Variants in FITM1 observed in about 807,000 individuals in gnomAD.
The protein encoded by FITM1 is fat storage-inducing transmembrane protein 1.
A neutral mutation model predicts 22.2 loss-of-function variants in FITM1; 11 were observed. The ratio of observed to expected loss-of-function variants is 0.50; its 90% CI spans 0.31 to 0.82. The LOEUF (loss-of-function observed/expected upper bound fraction) is 0.82. FITM1 is among the 40% of genes least tolerant of loss of function. The pLI, the probability that FITM1 is intolerant of heterozygous loss-of-function variation, is 0.04. For missense variants in FITM1, 394 were observed against 386.4 expected, an observed-to-expected ratio of 1.02 and a Z score of -0.17; for synonymous variants, 164 against 174.0, an observed-to-expected ratio of 0.94 and a Z score of 0.45.
At position 24,132,746 on chromosome 14, in the gene FITM1, TATC is replaced by T. The variant is rs746827990; in HGVS notation, c.807_809del (p.His269del). ...CTGGTACCTCACCTATGGCAGCTGG[TATC>T]ATCAGCCCTGGTCTCCAGGGAGCCC... On this transcript the variant is annotated inframe_deletion, in exon 2 of 2. Transcript: ENST00000267426. 2 of 1,613,734 alleles carry T rather than the reference TATC, an allele frequency of 1.2e-6. No individual in the cohort carries two copies. The highest frequency in any genetic ancestry group is 1.7e-6 in the Non-Finnish European group (2 of 1,179,942).
rs531841582 is a variant in FITM1, at chr14:24,132,359, G to A, written c.415G>A (p.Gly139Ser). ...VVGAAVWRGA[G>S]RAFLLIEDLT... ...AGGGGCAGCCGTGTGGCGGGGAGCCGGCCGGGCCTTCCTGCTCATCGAGGA... is the reference window on the plus strand; with the variant it reads ...AGGGGCAGCCGTGTGGCGGGGAGCCAGCCGGGCCTTCCTGCTCATCGAGGA... Residue 139 changes from glycine to serine, a missense_variant, in exon 2 of 2, where the codon GGC (glycine) becomes AGC (serine). Coordinates refer to ENST00000267426, the MANE Select transcript of FITM1 (RefSeq NM_203402.3). 6.6e-5 allele frequency: 107 copies of A among 1,613,818 alleles called. 2 individuals are homozygous for A. In the Admixed American group the frequency reaches 1.4e-3, roughly 22 times the overall value.
rs561934936 is a variant in FITM1, at chr14:24,132,257, G to A, written c.313G>A (p.Gly105Ser). The change falls in exon 2 of 2, where the codon GGC becomes AGC. Residue 105 changes from glycine to serine, a missense_variant. Transcript: ENST00000267426. ...GGGCTGGACATGCACTTTCTTAGGGGGCTTTGTGTTGCTGGTGGTGTTCCT... is the reference window on the plus strand; with the variant it reads ...GGGCTGGACATGCACTTTCTTAGGGAGCTTTGTGTTGCTGGTGGTGTTCCT... ...AWGWTCTFLG[G>S]FVLLVVFLAT... The A allele has an allele frequency of 3.1e-6, 5 of 1,613,420 alleles. No homozygotes were observed. The highest frequency in any genetic ancestry group is 1.1e-5 in the South Asian group (1 of 91,032).
In FITM1 at chr14:24,131,556, G is replaced by A. The variant is rs1163614031; in HGVS notation, c.-8G>A. 1.9e-6 allele frequency: 3 copies of A among 1,560,092 alleles called. No homozygotes were observed. The highest frequency in any genetic ancestry group is 2.6e-6 in the Non-Finnish European group (3 of 1,152,948). The stretch of plus-strand genomic sequence containing the variant: ...CAAAGCAAGCAGTTAGTGGGGAGGG[G>A]AGGGAACATGGAGCGGGGGCCGGTG... On this transcript the variant is annotated 5_prime_UTR_variant, in exon 1 of 2. Transcript: ENST00000267426.
rs1035337530 is a variant in FITM1 at position 24,130,865 on chromosome 14, A to G, written c.-699A>G. Among the ~76,000 whole-genome samples the G allele has an allele frequency of 3.9e-5, 6 of 152,224 alleles. No homozygotes were observed. Among genetic ancestry groups the G allele is most frequent in the Non-Finnish European group, 7.3e-5 (5 of 68,042 alleles). ...TAGGGATCTGAGGGTCAACGTGATC[A>G]ACAGATGAAACCGCCAGTTTATACA... is the stretch of plus-strand genomic sequence containing the variant. On this transcript the variant is annotated 5_prime_UTR_variant, in exon 1 of 2. Coordinates refer to ENST00000267426, the MANE Select transcript of FITM1 (RefSeq NM_203402.3).
At chr14:24,132,070 A>C (rs1449012038) in intron 1 of FITM1, 141 bp from the exon 2 acceptor site, 30 of 1,304,988 alleles carry the variant, frequency 2.3e-5, no homozygotes, top group Non-Finnish European at 3.0e-5. Flanking sequence ...GCAAAGGTTA[A>C]ATGACTGGGG....
At chr14:24,131,882 C>T in intron 1 of FITM1, 53 bp downstream of exon 1, 2 of 1,519,730 alleles carry the variant, frequency 1.3e-6, no homozygotes, top group South Asian at 1.3e-5. Context: ...GGGATCCTAG[C>T]TCCCTTCTCC....
Position 24,131,661 on chromosome 14 carries a change from C to T in FITM1, c.98C>T (p.Ser33Phe), listed in dbSNP as rs771652273. ...CTCAAGGTGCTGCTCTGGGTGGCCT[C>T]TGCCTTGCTGTACTTTGGAAGCGAA... Reference protein sequence around the residue: ...CLLKVLLWVASALLYFGSEQA... With the variant: ...CLLKVLLWVAFALLYFGSEQA... Residue 33 changes from serine (S) to phenylalanine (F), a missense_variant, in exon 1 of 2, where the codon TCT becomes TTT. Transcript: ENST00000267426. The T allele has an allele frequency of 6.2e-6, 10 of 1,613,820 alleles. No individual in the cohort carries two copies. In the South Asian group the frequency reaches 1.1e-4, roughly 18 times the overall value.
intron 1 of FITM1, 115 bp from the exon 2 acceptor site, chr14:24,132,096 G>A: frequency 1.4e-6 from 2 of 1,445,126 alleles, no homozygotes; most frequent in Non-Finnish European, 1.9e-6. Flanking sequence ...AAAGGGCACG[G>A]CAAGGAGAGA....
Position 24,131,837 on chromosome 14 carries a change from C to T in FITM1, c.266+8C>T. The T allele has an allele frequency of 6.4e-7, 1 of 1,566,794 alleles. No individual in the cohort carries two copies. The highest frequency in any genetic ancestry group is 8.7e-7 in the Non-Finnish European group (1 of 1,154,136). ...CGGCAACTTCTTCAACATGTGAGTC[C>T]ACTCAAGGCTGTGGGAGCCGGGTCC... On this transcript the variant is annotated splice_region_variant and intron_variant, in intron 1 of 1. Transcript: ENST00000267426.
chr14:24,131,817 ACTT>A lies in FITM1; in HGVS notation c.259_261del (p.Phe87del), dbSNP rs2037824758. The A allele has an allele frequency of 6.3e-7, 1 of 1,588,046 alleles. No individual in the cohort carries two copies. Among genetic ancestry groups the A allele is most frequent in the African/African-American group, 1.3e-5 (1 of 74,436 alleles). On this transcript the variant is annotated inframe_deletion, in exon 1 of 2. Coordinates refer to ENST00000267426, the MANE Select transcript of FITM1 (RefSeq NM_203402.3). ...CGGACTATCTTCGCCAGCCACGGCAACTTCTTCAACATGTGAGTCCACTCAAGG... is the reference window on the plus strand; with the variant it reads ...CGGACTATCTTCGCCAGCCACGGCAACTTCAACATGTGAGTCCACTCAAGG...
At chr14:24,132,148 G>A (rs2037827042) in intron 1 of FITM1, 63 bp from the exon 2 acceptor site, 61 of 1,585,518 alleles carry the variant, frequency 3.8e-5, no homozygotes, top group Non-Finnish European at 5.1e-5. Context: ...GCAGTGATGG[G>A]AGCACAGACC....
Position 24,132,514 on chromosome 14 carries a change from C to T in FITM1, c.570C>T (p.Leu190=), listed in dbSNP as rs1295556051. ...CCGTCTCCTCCCACACCTTCCTGCT[C>T]ACCTTTTGCTGCCTGCTCATGGCAG... ...GYTVSSHTFL[L]TFCCLLMAEE... Residue 190 remains leucine, a synonymous_variant, in exon 2 of 2, where the codon CTC becomes CTT. Transcript: ENST00000267426. The T allele has an allele frequency of 3.7e-6, 6 of 1,604,006 alleles. No individual in the cohort carries two copies. Among genetic ancestry groups the T allele is most frequent in the Middle Eastern group, 3.3e-4 (2 of 6,060 alleles).
Position 24,131,542 on chromosome 14 carries a change from G to C in FITM1, c.-22G>C, listed in dbSNP as rs1266334540. 9.1e-6 allele frequency: 14 copies of C among 1,544,184 alleles called. No individual in the cohort carries two copies. The highest frequency in any genetic ancestry group is 1.2e-5 in the Non-Finnish European group (14 of 1,142,396). ...CCTCAGCTGCCCAGCAAAGCAAGCA[G>C]TTAGTGGGGAGGGGAGGGAACATGG... On this transcript the variant is annotated 5_prime_UTR_variant, in exon 1 of 2. Coordinates refer to ENST00000267426, the MANE Select transcript of FITM1 (RefSeq NM_203402.3).
intron 1 of FITM1, 28 bp from the exon 2 acceptor site, chr14:24,132,183 C>A (rs773018527): frequency 6.2e-7 from 1 of 1,603,602 alleles, no homozygotes; most frequent in Non-Finnish European, 8.5e-7. Flanking sequence ...AGCTTGGGGT[C>A]TCAATAGTCT....
In FITM1 at chr14:24,130,721, C is replaced by A. The variant is rs1019642639; in HGVS notation, c.-843C>A. On this transcript the variant is annotated 5_prime_UTR_variant, in exon 1 of 2. Transcript: ENST00000267426. ...TGGGAGGGCAGGCTTATATGGAGAG[C>A]CCTGAGGCCCAGGGTAGTTGGTTGG... Among the ~76,000 whole-genome samples, 2 of 152,218 alleles carry A rather than the reference C, an allele frequency of 1.3e-5. No homozygotes were observed.
Position 24,131,670 on chromosome 14 carries a change from T to C in FITM1, c.107T>C (p.Leu36Pro). 1.2e-6 allele frequency: 2 copies of C among 1,614,066 alleles called. No individual in the cohort carries two copies. Residue 36 changes from leucine to proline, a missense_variant, in exon 1 of 2, where the codon CTG becomes CCG. Physicochemically the swap from Leu to Pro is moderately conservative, Grantham distance 98. Coordinates refer to ENST00000267426, the MANE Select transcript of FITM1 (RefSeq NM_203402.3). ...KVLLWVASAL[L>P]YFGSEQAARL... ...CTGCTCTGGGTGGCCTCTGCCTTGC[T>C]GTACTTTGGAAGCGAACAGGCCGCC...
chr14:24,131,808 G>C lies in FITM1; in HGVS notation c.245G>C (p.Ser82Thr), dbSNP rs1421822119. The C allele has an allele frequency of 6.3e-7, 1 of 1,594,168 alleles. No individual in the cohort carries two copies. The highest frequency in any genetic ancestry group is 1.1e-5 in the South Asian group (1 of 88,700). ...FHVNPRTIFASHGNFFNIKFV... is the reference protein window; with the variant it reads ...FHVNPRTIFATHGNFFNIKFV... The stretch of plus-strand genomic sequence containing the variant: ...GTCAACCCTCGGACTATCTTCGCCA[G>C]CCACGGCAACTTCTTCAACATGTGA... Residue 82 changes from serine to threonine, a missense_variant, in exon 1 of 2, where the codon AGC becomes ACC. By Grantham distance (58) the Ser-to-Thr change is moderately conservative. Transcript: ENST00000267426.
At chr14:24,131,937 G>C (rs1190601107) in intron 1 of FITM1, 108 bp downstream of exon 1, 2 of 1,456,940 alleles carry the variant, frequency 1.4e-6, no homozygotes, top group African/African-American at 2.8e-5. Context: ...AATAGGCTAG[G>C]AGGTTGAGGA....
rs1566598214 is a variant in FITM1 at position 24,131,431 on chromosome 14, CCTGCCAG to C, written c.-126_-120del. On this transcript the variant is annotated 5_prime_UTR_variant, in exon 1 of 2. It introduces an in-frame stop codon into an upstream open reading frame of the 5' UTR. Coordinates refer to ENST00000267426, the MANE Select transcript of FITM1 (RefSeq NM_203402.3). Reference sequence around the variant, plus strand: ...TACTGCCCCCCGCCCCTCTCCCCCACCTGCCAGCTGCCAACAGGGCTCTGCCTTGTGT... The same window carrying C: ...TACTGCCCCCCGCCCCTCTCCCCCACCTGCCAACAGGGCTCTGCCTTGTGT... The C allele has an allele frequency of 1.1e-6, 1 of 927,364 alleles. No individual in the cohort carries two copies. Among genetic ancestry groups the C allele is most frequent in the Non-Finnish European group, 1.7e-6 (1 of 591,484 alleles). The allele number at this position is 927,364 out of a possible 1,614,324, so 57.4% of individuals were successfully genotyped here. A position where few individuals can be genotyped will look rare whatever the true frequency, so the allele number is the denominator to read the frequency against.
Sources: gnomAD v4.1 joint callset for allele counts (sites outside exome capture counted in the v4.1 genomes callset) on GRCh38, gnomAD v4.1.1 for gene constraint, MANE v1.5 for transcripts, NCBI Gene and HGNC (gene_info 2026-07-23, HGNC 2026-07-21) for gene names.